Variants in TAX1BP1 observed in about 807,000 individuals in gnomAD.
TAX1BP1 encodes the protein Tax1 binding protein 1.
A neutral mutation model predicts 97.7 loss-of-function variants in TAX1BP1; 62 were observed. The observed-to-expected ratio is 0.63, with a 90% CI of 0.52 to 0.78. TAX1BP1 has a LOEUF of 0.78. Ranked by LOEUF, TAX1BP1 falls within the 30% of genes least tolerant of loss-of-function variation. The pLI is 0.00. For synonymous variants in TAX1BP1, 340 were observed against 304.2 expected (o/e 1.12, Z -1.23); for missense variants, 867 against 916.1 (o/e 0.95, Z 0.69).
chr7:27,764,997 C>CCT (rs1328732677), intron 3 of TAX1BP1, among the ~76,000 whole-genome samples: 1 of 1,028 alleles, frequency 9.7e-4, no homozygotes, highest in Non-Finnish European at 2.5e-3. Context: ...AGATTGTCTG[C>CCT]CTCTCCTCTC....
chr7:27,792,291 G>T, intron 9 of TAX1BP1, 61 bp downstream of exon 9: 1 of 1,400,466 alleles, frequency 7.1e-7, no homozygotes, highest in Non-Finnish European at 9.8e-7. Context: ...ATCTCACAAA[G>T]TAGTAAATTG....
chr7:27,754,047 G>C (rs1383055858), intron 2 of TAX1BP1, among the ~76,000 whole-genome samples: 1 of 152,148 alleles, frequency 6.6e-6, no homozygotes, highest in Non-Finnish European at 1.5e-5. Context: ...GAAGTGCAAA[G>C]TGGTCATGTG....
At chr7:27,771,889 G>T (rs1210069700) in intron 5 of TAX1BP1, 1 of 152,006 alleles carries the variant, frequency 6.6e-6, no homozygotes, top group Non-Finnish European at 1.5e-5. Context: ...CTCTCTAAAT[G>T]TAAGTAGCTA....
At chr7:27,778,980 A>G (rs983399620) in intron 5 of TAX1BP1, among the ~76,000 whole-genome samples, 4 of 152,048 alleles carry the variant, frequency 2.6e-5, no homozygotes, top group Admixed American at 2.0e-4. Context: ...CCTTGAGTCC[A>G]TTAACAGTCA....
At chr7:27,822,794 T>G (rs924984386) in intron 15 of TAX1BP1, among the ~76,000 whole-genome samples, 2 of 152,218 alleles carry the variant, frequency 1.3e-5, no homozygotes, top group African/African-American at 2.4e-5. Context: ...CTTTTTAGTT[T>G]TAGTGAAGCT....
chr7:27,816,978 C>T lies in TAX1BP1; in HGVS notation c.2025C>T (p.Cys675=), dbSNP rs763232243. 1.9e-6 allele frequency: 3 copies of T among 1,614,104 alleles called. No individual in the cohort carries two copies. The highest frequency in any genetic ancestry group is 1.1e-5 in the South Asian group (1 of 91,082). ...PSWGLEDNVV[C]SQPARNFSRP... ...GGGGACTGGAAGACAATGTTGTCTG[C>T]AGCCAGCCTGCTCGAAACTTTAGTC... Residue 675 remains cysteine, a synonymous_variant, in exon 15 of 17, where the codon TGC becomes TGT. Coordinates refer to ENST00000396319, the MANE Select transcript of TAX1BP1 (RefSeq NM_006024.7).
intron 13 of TAX1BP1, among the ~76,000 whole-genome samples, chr7:27,813,145 CTTTTTTTTTTT>C (rs57301512): frequency 6.4e-5 from 7 of 108,938 alleles, no homozygotes; most frequent in Non-Finnish European, 8.9e-5. Context: ...CTTTGTTCTG[CTTTTTTTTTTT>C]TTTTTTTTTT....
At chr7:27,817,757 T>C (rs1287351590) in intron 15 of TAX1BP1, among the ~76,000 whole-genome samples, 1 of 152,202 alleles carries the variant, frequency 6.6e-6, no homozygotes, top group Non-Finnish European at 1.5e-5. Context: ...TCATAGTAGC[T>C]CTTTTTGGAT....
intron 2 of TAX1BP1, among the ~76,000 whole-genome samples, chr7:27,753,374 C>G (rs1201325757): frequency 6.6e-6 from 1 of 152,182 alleles, no homozygotes; most frequent in African/African-American, 2.4e-5. Flanking sequence ...CAGTAAAATA[C>G]TATATGTTAC....
Position 27,792,142 on chromosome 7 carries a change from A to G in TAX1BP1, c.1175A>G (p.His392Arg). 1.9e-6 allele frequency: 3 copies of G among 1,614,070 alleles called. No homozygotes were observed. Among genetic ancestry groups the G allele is most frequent in the Non-Finnish European group, 2.5e-6 (3 of 1,180,038 alleles). ...CGAGACAGAACGATGGCAGACCTGC[A>G]TACTGCACGCTTGGAAAACGAGAAA... ...NVRDRTMADL[H>R]TARLENEKVK... The change falls in exon 9 of 17, where the codon CAT becomes CGT. Residue 392 changes from histidine to arginine, a missense_variant. By Grantham distance (29) the His-to-Arg change is conservative (BLOSUM62 0). Coordinates refer to ENST00000396319, the MANE Select transcript of TAX1BP1 (RefSeq NM_006024.7).
At chr7:27,751,169 T>C (rs1788005630) in intron 2 of TAX1BP1, among the ~76,000 whole-genome samples, 1 of 152,194 alleles carries the variant, frequency 6.6e-6, no homozygotes, top group Admixed American at 6.5e-5. Context: ...TTAAGGATTG[T>C]AAGTTTTCTC....
chr7:27,824,785 G>A (rs560640000), intron 15 of TAX1BP1, among the ~76,000 whole-genome samples: 11 of 152,116 alleles, frequency 7.2e-5, no homozygotes, highest in African/African-American at 2.2e-4. Flanking sequence ...ACAATAGGGC[G>A]TTTAGATCTT....
At chr7:27,740,805 C>A (rs556724020) in intron 1 of TAX1BP1, among the ~76,000 whole-genome samples, 2 of 152,308 alleles carry the variant, frequency 1.3e-5, no homozygotes, top group Admixed American at 1.3e-4. Flanking sequence ...GGCGGAGACT[C>A]CCTGCGCCGC....
rs569065950 is a variant in TAX1BP1 at position 27,789,124 on chromosome 7, A to T, written c.1038+1521A>T. On this transcript the variant is annotated intron_variant, in intron 8 of 16. Transcript: ENST00000396319. Reference sequence around the variant, plus strand: ...CAATGCCACTTCCAACAATAAATGTACTAAATAAAGCTAAGGTATTTTTAC... The same window carrying T: ...CAATGCCACTTCCAACAATAAATGTTCTAAATAAAGCTAAGGTATTTTTAC... Among the ~76,000 whole-genome samples the T allele has an allele frequency of 3.9e-5, 6 of 152,228 alleles. No individual in the cohort carries two copies. The South Asian group carries it at 1.2e-3, about 32-fold the overall frequency.
rs1306685897 is a variant in TAX1BP1, at chr7:27,769,735, G to A, written c.513G>A (p.Leu171=). ...KEELLKLIAV[L]EKETAQLREQ... is the part of the protein sequence containing the mutation. ...AACTGTTAAAGTTAATTGCCGTTCT[G>A]GAAAAAGAAACAGCACAACTTCGAG... Residue 171 remains leucine (L), a synonymous_variant, in exon 5 of 17, where the codon CTG becomes CTA. Transcript: ENST00000396319. The A allele has an allele frequency of 6.2e-7, 1 of 1,612,414 alleles. No homozygotes were observed. The highest frequency in any genetic ancestry group is 2.2e-5 in the East Asian group (1 of 44,760).
intron 8 of TAX1BP1, among the ~76,000 whole-genome samples, chr7:27,787,932 T>G (rs891071347): frequency 1.8e-4 from 27 of 152,130 alleles, no homozygotes; most frequent in African/African-American, 4.8e-4. Flanking sequence ...CCTAAGAATT[T>G]AGCACTGATT....
chr7:27,767,755 G>T (rs1788695345), intron 4 of TAX1BP1, among the ~76,000 whole-genome samples: 1 of 152,136 alleles, frequency 6.6e-6, no homozygotes, highest in African/African-American at 2.4e-5. Context: ...TTTTCTTCAA[G>T]TAGATTGAGA....
intron 5 of TAX1BP1, among the ~76,000 whole-genome samples, chr7:27,770,440 GTTTA>G (rs1455519452): frequency 6.6e-6 from 1 of 152,022 alleles, no homozygotes. Context: ...TCATTGACTT[GTTTA>G]TTTAATATTT....
chr7:27,743,528 G>GT, intron 1 of TAX1BP1, among the ~76,000 whole-genome samples: 1 of 152,262 alleles, frequency 6.6e-6, no homozygotes, highest in South Asian at 2.1e-4. Context: ...AAAATGCAGT[G>GT]TTTCTGCTAC....
Sources: gnomAD v4.1 joint callset for allele counts (sites outside exome capture counted in the v4.1 genomes callset) on GRCh38, gnomAD v4.1.1 for gene constraint, MANE v1.5 for transcripts, NCBI Gene and HGNC (gene_info 2026-07-23, HGNC 2026-07-21) for gene names.